CRPPA: variants seen among roughly 807,000 people sequenced by gnomAD.
CRPPA encodes CDP-L-ribitol pyrophosphorylase A, also known as D-ribitol-5-phosphate cytidylyltransferase.
A neutral mutation model predicts 52.0 loss-of-function variants in CRPPA; 43 were observed. The ratio of observed to expected loss-of-function variants is 0.83; its 90% confidence interval spans 0.65 to 1.07. The LOEUF (loss-of-function observed/expected upper bound fraction) is 1.07. Among genes scored for constraint, CRPPA ranks in the 50% least tolerant of loss-of-function variants. The pLI is 0.00. For missense variants in CRPPA, 629 were observed against 551.7 expected (o/e 1.14, Z -1.40); for synonymous variants, 250 against 203.5 (o/e 1.23, Z -1.94).
chr7:16,116,965 T>C (rs1206212037), intron 9 of CRPPA, among the ~76,000 whole-genome samples: 1 of 152,164 alleles, frequency 6.6e-6, no homozygotes, highest in African/African-American at 2.4e-5. Flanking sequence ...AGACCATGTT[T>C]TCCTGTTTGT....
intron 2 of CRPPA, among the ~76,000 whole-genome samples, chr7:16,393,607 A>T (rs903633606): frequency 3.9e-5 from 6 of 152,172 alleles, no homozygotes; most frequent in African/African-American, 1.4e-4. Flanking sequence ...TAAAATTCAA[A>T]ATTATAACAC....
At chr7:16,370,663 C>A (rs370400590) in intron 3 of CRPPA, among the ~76,000 whole-genome samples, 5 of 152,140 alleles carry the variant, frequency 3.3e-5, no homozygotes, top group Non-Finnish European at 7.3e-5. Flanking sequence ...TTTCTTACAG[C>A]AGAGACATAA....
At position 16,188,042 on chromosome 7, in the gene CRPPA, A is replaced by AT. The variant is rs34518390; in HGVS notation, c.1251+28023dup. Among the ~76,000 whole-genome samples, 268 of 115,484 alleles carry AT rather than the reference A, an allele frequency of 2.3e-3. 3 individuals carry two copies. Among genetic ancestry groups the AT allele is most frequent in the South Asian group, 7.3e-3 (25 of 3,414 alleles). The allele number at this position is 115,484 out of a possible 152,430, so 75.8% of individuals were successfully genotyped here. A position where few individuals can be genotyped will look rare whatever the true frequency, so the allele number is the denominator to read the frequency against. ...GGACAGTTTGTATGAATTTGGGTGA[A>AT]TTTTTTTTTTTTTTTTTTTTTTGAG... On this transcript the variant is annotated intron_variant, in intron 9 of 9. Coordinates refer to ENST00000407010, the MANE Select transcript of CRPPA (RefSeq NM_001101426.4).
Position 16,308,434 on chromosome 7 carries a change from T to C in CRPPA, c.789+89A>G, listed in dbSNP as rs62441885. 330,845 of 720,436 alleles carry C rather than the reference T, an allele frequency of 0.46. 77,757 individuals carry two copies. Among genetic ancestry groups the C allele is most frequent in the African/African-American group, 0.61 (34,767 of 57,008 alleles). 44.6% of individuals were successfully genotyped at this position (720,436 alleles called of 1,614,324 possible). On this transcript the variant is annotated intron_variant, in intron 4 of 9. Coordinates refer to ENST00000407010, the MANE Select transcript of CRPPA (RefSeq NM_001101426.4). ...AAACCCGTGAGACTCCCTTAACTCC[T>C]ACTCAATGCACTACTGGTTTTAAAT...
chr7:16,252,898 G>A (rs1489406827), intron 8 of CRPPA, among the ~76,000 whole-genome samples: 2 of 152,160 alleles, frequency 1.3e-5, no homozygotes, highest in African/African-American at 4.8e-5. Context: ...GAGTAGAGGT[G>A]TTCATAGTAT....
At position 16,397,506 on chromosome 7, in the gene CRPPA, A is replaced by G. The variant is rs560472564; in HGVS notation, c.534+8555T>C. Reference sequence around the variant, plus strand: ...ATAACAGAAACATGACTGACACATAACATGTGAACATGTGACATGATCAAC... The same window carrying G: ...ATAACAGAAACATGACTGACACATAGCATGTGAACATGTGACATGATCAAC... On this transcript the variant is annotated intron_variant, in intron 2 of 9. Transcript: ENST00000407010. Among the ~76,000 whole-genome samples, 892 of 152,254 alleles carry G rather than the reference A, an allele frequency of 5.9e-3. 10 individuals carry two copies. The highest frequency in any genetic ancestry group is 0.02 in the African/African-American group (826 of 41,518).
chr7:16,235,867 T>C (rs1385926820), intron 8 of CRPPA: 1 of 152,098 alleles, frequency 6.6e-6, no homozygotes, highest in Non-Finnish European at 1.5e-5. Flanking sequence ...AATTTTGAAC[T>C]GGGGATAATG....
At chr7:16,333,879 A>G (rs969275367) in intron 3 of CRPPA, among the ~76,000 whole-genome samples, 2 of 152,188 alleles carry the variant, frequency 1.3e-5, no homozygotes, top group Non-Finnish European at 2.9e-5. Flanking sequence ...CTTTGACTAT[A>G]CTACCACTGC....
chr7:16,099,219 CT>C lies in CRPPA; in HGVS notation c.1252-7421del, dbSNP rs199612714. ...AGTGAGCAATGATTGTGCCACTGCACTGCAGCCTAGGTGACAGAGCAAGACC... is the reference window on the plus strand; with the variant it reads ...AGTGAGCAATGATTGTGCCACTGCACGCAGCCTAGGTGACAGAGCAAGACC... On this transcript the variant is annotated intron_variant, in intron 9 of 9. Coordinates refer to ENST00000407010, the MANE Select transcript of CRPPA (RefSeq NM_001101426.4). 5.8e-3 allele frequency among the ~76,000 whole-genome samples: 856 copies of C among 148,824 alleles called. 9 individuals carry two copies. Among genetic ancestry groups the C allele is most frequent in the African/African-American group, 0.02 (797 of 40,252 alleles).
chr7:16,344,367 G>A (rs2389597), intron 3 of CRPPA, among the ~76,000 whole-genome samples: 43,117 of 134,328 alleles, frequency 0.32, 6,696 homozygotes, highest in Admixed American at 0.41. Flanking sequence ...AGGAGTTACA[G>A]ACCAACCTGG....
chr7:16,304,767 T>A (rs1220806432), intron 4 of CRPPA, among the ~76,000 whole-genome samples: 1 of 152,230 alleles, frequency 6.6e-6, no homozygotes, highest in Admixed American at 6.5e-5. Flanking sequence ...AAGTCAGTCT[T>A]TAAACCAATG....
In CRPPA at chr7:16,421,458, C is replaced by T; in HGVS notation, c.-136G>A. Reference sequence around the variant, plus strand: ...AGAGCGCGCAAGCAGAAGGCGCCCCCCTCAGCCGTCGGAGCCCCGCTGTTG... The same window carrying T: ...AGAGCGCGCAAGCAGAAGGCGCCCCTCTCAGCCGTCGGAGCCCCGCTGTTG... On this transcript the variant is annotated 5_prime_UTR_variant, in exon 1 of 10. Coordinates refer to ENST00000407010, the MANE Select transcript of CRPPA (RefSeq NM_001101426.4). 1.1e-6 allele frequency: 1 copy of T among 871,912 alleles called. No homozygotes were observed. Among genetic ancestry groups the T allele is most frequent in the Non-Finnish European group, 1.5e-6 (1 of 667,498 alleles). The allele number at this position is 871,912 out of a possible 1,614,324, so 54.0% of individuals were successfully genotyped here.
intron 6 of CRPPA, chr7:16,266,134 T>C (rs1783947251): frequency 6.6e-6 from 1 of 152,234 alleles, no homozygotes; most frequent in South Asian, 2.1e-4. Context: ...ACAATCTTAA[T>C]TGCCAGTATA....
At chr7:16,386,479 C>G (rs887921265) in intron 2 of CRPPA, among the ~76,000 whole-genome samples, 2 of 152,162 alleles carry the variant, frequency 1.3e-5, no homozygotes, top group African/African-American at 4.8e-5. Context: ...TGCCAGTGAA[C>G]TGTCTTCTTC....
Position 16,133,238 on chromosome 7 carries a change from A to C in CRPPA, c.1252-41439T>G, listed in dbSNP as rs1424369438. The stretch of plus-strand genomic sequence containing the variant: ...AAACTGATGCATGAGAATTGCTTGA[A>C]CCCAGGAGGTGGAGGTTGCAGTGAG... On this transcript the variant is annotated intron_variant, in intron 9 of 9. Transcript: ENST00000407010. 3.3e-5 allele frequency among the ~76,000 whole-genome samples: 4 copies of C among 122,034 alleles called. 1 individual carries two copies. Among genetic ancestry groups the C allele is most frequent in the Non-Finnish European group, 7.4e-5 (4 of 53,864 alleles). The allele number at this position is 122,034 out of a possible 152,430, so 80.1% of individuals were successfully genotyped here.
intron 9 of CRPPA, among the ~76,000 whole-genome samples, chr7:16,093,313 C>T (rs1344106779): frequency 6.6e-6 from 1 of 152,106 alleles, no homozygotes; most frequent in African/African-American, 2.4e-5. Context: ...GTTGTTGACA[C>T]GGACTGCAAT....
rs552834106 is a variant in CRPPA, at chr7:16,206,574, T to A, written c.1251+9492A>T. Among the ~76,000 whole-genome samples, 260 of 152,108 alleles carry A rather than the reference T, an allele frequency of 1.7e-3. 1 individual carries two copies. The highest frequency in any genetic ancestry group is 3.1e-3 in the Non-Finnish European group (212 of 67,914). On this transcript the variant is annotated intron_variant, in intron 9 of 9. Coordinates refer to ENST00000407010, the MANE Select transcript of CRPPA (RefSeq NM_001101426.4). ...TAAGTACAAATTCTGAACCTTTTTTTAAAAAAGAACATAGTAAAAATTAAA... is the reference window on the plus strand; with the variant it reads ...TAAGTACAAATTCTGAACCTTTTTTAAAAAAAGAACATAGTAAAAATTAAA...
chr7:16,270,363 A>G (rs1331109178), intron 6 of CRPPA: 1 of 152,162 alleles, frequency 6.6e-6, no homozygotes, highest in Non-Finnish European at 1.5e-5. Context: ...TATGTGAAAT[A>G]CACAAAGAAA....
chr7:16,259,676 G>T (rs62440451), intron 6 of CRPPA, among the ~76,000 whole-genome samples: 1 of 151,618 alleles, frequency 6.6e-6, no homozygotes, highest in African/African-American at 2.4e-5. Flanking sequence ...ATCACAATAT[G>T]AACAAAAACT....
Sources: allele counts gnomAD v4.1 joint callset (sites outside exome capture counted in the v4.1 genomes callset), GRCh38; gene constraint gnomAD v4.1.1; transcripts MANE v1.5; gene names NCBI Gene and HGNC (gene_info 2026-07-23, HGNC 2026-07-21).